Variants in SLC9A5 observed in about 807,000 individuals in gnomAD.
SLC9A5 encodes the protein solute carrier family 9 member A5, also known as sodium/hydrogen exchanger 5.
A neutral mutation model predicts 91.7 loss-of-function variants in SLC9A5; 52 were observed. That is an observed-to-expected ratio of 0.57 (90% CI 0.45 to 0.71). SLC9A5 has a LOEUF of 0.71. Ranked by LOEUF, SLC9A5 falls within the 30% of genes least tolerant of loss-of-function variation. The probability of loss-of-function intolerance (pLI) is 0.00; values close to 1 mark genes in which losing one functional copy is unlikely to be tolerated. For missense variants in SLC9A5, 871 were observed against 1,158.9 expected (o/e 0.75, Z 3.61); for synonymous variants, 419 against 474.5 (o/e 0.88, Z 1.52).
At chr16:67,250,853 G>A (rs967815035) in intron 1 of SLC9A5, among the ~76,000 whole-genome samples, 1 of 152,192 alleles carries the variant, frequency 6.6e-6, no homozygotes, top group African/African-American at 2.4e-5. Flanking sequence ...CAGGGATTAT[G>A]TAGAGAGAGA....
Position 67,256,945 on chromosome 16 carries a change from C to T in SLC9A5, c.1167C>T (p.Phe389=). 6.2e-7 allele frequency: 1 copy of T among 1,614,136 alleles called. No individual in the cohort carries two copies. The highest frequency in any genetic ancestry group is 8.5e-7 in the Non-Finnish European group (1 of 1,180,038). Residue 389 remains phenylalanine, a synonymous_variant, in exon 7 of 16, where the codon TTC becomes TTT. Coordinates refer to ENST00000299798, the MANE Select transcript of SLC9A5 (RefSeq NM_004594.3). This position sits in a 1 kb window ranked among gnomAD's most constrained non-coding sequence, Gnocchi z 4.1. ...VVLQTWVLNQ[F]RLVPLDKIDQ... Reference sequence around the variant, plus strand: ...TGCAGACCTGGGTGCTGAATCAGTTCCGGCTAGTCCCTCTGGACAAGATTG... The same window carrying T: ...TGCAGACCTGGGTGCTGAATCAGTTTCGGCTAGTCCCTCTGGACAAGATTG...
chr16:67,264,844 G>A (rs1030007394), intron 13 of SLC9A5, among the ~76,000 whole-genome samples, 196 bp from the exon 14 acceptor site: 4 of 152,166 alleles, frequency 2.6e-5, no homozygotes, highest in South Asian at 2.1e-4. Context: ...GTCAGCCCAC[G>A]CTGATGCATC....
chr16:67,269,683 A>G (rs2035854734), intron 15 of SLC9A5, among the ~76,000 whole-genome samples: 1 of 152,138 alleles, frequency 6.6e-6, no homozygotes, highest in Non-Finnish European at 1.5e-5. Context: ...TACATTTCAC[A>G]CATGTACTCA....
Position 67,252,312 on chromosome 16 carries a change from A to G in SLC9A5, c.188-230A>G, listed in dbSNP as rs1222356478. 6.6e-6 allele frequency among the ~76,000 whole-genome samples: 1 copy of G among 152,094 alleles called. No homozygotes were observed. The highest frequency in any genetic ancestry group is 2.1e-4 in the South Asian group (1 of 4,824). On this transcript the variant is annotated intron_variant, in intron 1 of 15. Transcript: ENST00000299798. The surrounding 1 kb of genome is among the most constrained non-coding windows in gnomAD (Gnocchi z 4.0). ...AGAATATAAAAAAAATTATCTGGGC[A>G]TGGTGGCGCGTGTCTGTAGTCCCCG...
In SLC9A5 at chr16:67,258,977, C is replaced by T. The variant is rs866223154; in HGVS notation, c.1626+530C>T. ...AGGAGAATCGCTAAAATCTGGGAAGCGGGCTGGGCACGGTGGCTCACACCT... is the reference window on the plus strand; with the variant it reads ...AGGAGAATCGCTAAAATCTGGGAAGTGGGCTGGGCACGGTGGCTCACACCT... On this transcript the variant is annotated intron_variant, in intron 10 of 15. Transcript: ENST00000299798. This position sits in a 1 kb window ranked among gnomAD's most constrained non-coding sequence, Gnocchi z 4.5. Among the ~76,000 whole-genome samples the T allele has an allele frequency of 3.1e-5, 4 of 128,236 alleles. No individual in the cohort carries two copies. Among genetic ancestry groups the T allele is most frequent in the South Asian group, 5.0e-4 (2 of 3,982 alleles). 84.1% of individuals were successfully genotyped at this position (128,236 alleles called of 152,430 possible).
chr16:67,266,290 G>A, intron 15 of SLC9A5, 65 bp downstream of exon 15: 3 of 1,471,166 alleles, frequency 2.0e-6, no homozygotes, highest in African/African-American at 2.9e-5. Flanking sequence ...CTTCACTCAT[G>A]GCCTCTACTC....
Position 67,271,109 on chromosome 16 carries a change from G to C in SLC9A5, c.2590G>C (p.Glu864Gln). ...ESSADLPQQQ[E>Q]LQPLMGHKDH... ...CAGCGCTGACCTCCCCCAGCAGCAG[G>C]AGCTGCAGCCCCTCATGGGCCACAA... Residue 864 changes from glutamate to glutamine, a missense_variant, in exon 16 of 16, where the codon GAG becomes CAG. By Grantham distance (29) the Glu-to-Gln change is conservative. Coordinates refer to ENST00000299798, the MANE Select transcript of SLC9A5 (RefSeq NM_004594.3). 1 of 1,613,836 alleles carries C rather than the reference G, an allele frequency of 6.2e-7. No individual in the cohort carries two copies. Among genetic ancestry groups the C allele is most frequent in the Non-Finnish European group, 8.5e-7 (1 of 1,180,004 alleles).
At chr16:67,259,980 G>A (rs1451908896) in intron 12 of SLC9A5, 34 bp downstream of exon 12, 1 of 1,608,568 alleles carries the variant, frequency 6.2e-7, no homozygotes, top group African/African-American at 1.3e-5. Flanking sequence ...TTTTGAGGGG[G>A]TGGAGGTGGT....
rs778721211 is a variant in SLC9A5 at position 67,249,055 on chromosome 16, C to A, written c.41C>A (p.Ala14Glu). ...AALSLLALPL[A>E]GAAEEPTQKP... ...CTGTCCCTGCTCGCGCTGCCCCTGG[C>A]GGGGGCGGCCGAAGAGCCCACCCAG... is the stretch of plus-strand genomic sequence containing the variant. The change falls in exon 1 of 16, where the codon GCG becomes GAG. Residue 14 changes from alanine to glutamate, a missense_variant. Around this residue, in one of 3 missense-constraint regions of SLC9A5, gnomAD observed 122 missense variants for 114.5 expected, o/e 1.07. Transcript: ENST00000299798. 1.3e-6 allele frequency: 2 copies of A among 1,506,784 alleles called. No individual in the cohort carries two copies. The highest frequency in any genetic ancestry group is 2.5e-5 in the South Asian group (2 of 81,332). The allele number at this position is 1,506,784 out of a possible 1,614,324, so 93.3% of individuals were successfully genotyped here. A position where few individuals can be genotyped will look rare whatever the true frequency, so the allele number is the denominator to read the frequency against.
chr16:67,267,568 A>C (rs1379542707), intron 15 of SLC9A5, among the ~76,000 whole-genome samples: 2 of 152,084 alleles, frequency 1.3e-5, no homozygotes, highest in Non-Finnish European at 2.9e-5. Flanking sequence ...TCTAGTGAGG[A>C]ATAGGAGGTG....
chr16:67,257,631 C>T lies in SLC9A5; in HGVS notation c.1496+30C>T. The stretch of plus-strand genomic sequence containing the variant: ...GGGAGCTGCCCCGAGGCTCCTTCAG[C>T]AGCAGCAGCCCCACCAGCCAGGGAA... On this transcript the variant is annotated intron_variant, in intron 9 of 15. Coordinates refer to ENST00000299798, the MANE Select transcript of SLC9A5 (RefSeq NM_004594.3). This position sits in a 1 kb window ranked among gnomAD's most constrained non-coding sequence, Gnocchi z 5.1. 1 of 1,607,208 alleles carries T rather than the reference C, an allele frequency of 6.2e-7. No individual in the cohort carries two copies. Among genetic ancestry groups the T allele is most frequent in the Non-Finnish European group, 8.5e-7 (1 of 1,173,828 alleles).
rs2035336345 is a variant in SLC9A5, at chr16:67,256,834, C to T, written c.1133-77C>T. The T allele has an allele frequency of 6.7e-7, 1 of 1,486,812 alleles. No homozygotes were observed. Among genetic ancestry groups the T allele is most frequent in the Non-Finnish European group, 9.3e-7 (1 of 1,073,270 alleles). The allele number at this position is 1,486,812 out of a possible 1,614,324, so 92.1% of individuals were successfully genotyped here. On this transcript the variant is annotated intron_variant, in intron 6 of 15. Transcript: ENST00000299798. This position sits in a 1 kb window ranked among gnomAD's most constrained non-coding sequence, Gnocchi z 4.1. Reference sequence around the variant, plus strand: ...GTCCCAGCCCCTGTTAGACCTCAGCCCAGATACTTGGTCCCATCCGGTCCC... The same window carrying T: ...GTCCCAGCCCCTGTTAGACCTCAGCTCAGATACTTGGTCCCATCCGGTCCC...
intron 10 of SLC9A5, 50 bp from the exon 11 acceptor site, chr16:67,259,523 G>T (rs1795976500): frequency 7.3e-7 from 1 of 1,373,972 alleles, no homozygotes. Context: ...CCTGACTCCT[G>T]GGCAACCCTC....
chr16:67,261,927 GGTGTGTGT>G (rs56311190), intron 12 of SLC9A5: 3 of 151,754 alleles, frequency 2.0e-5, no homozygotes, highest in East Asian at 1.9e-4. Context: ...GATTTGGTGA[GGTGTGTGT>G]GTGTGTGTGT....
chr16:67,261,188 A>T (rs2035519165), intron 12 of SLC9A5: 2 of 152,124 alleles, frequency 1.3e-5, no homozygotes, highest in African/African-American at 4.8e-5. Flanking sequence ...ACACCATTCT[A>T]GTTCTAGAAC....
In SLC9A5 at chr16:67,257,255, G is replaced by A; in HGVS notation, c.1336-90G>A. The A allele has an allele frequency of 7.3e-7, 1 of 1,375,268 alleles. No homozygotes were observed. The highest frequency in any genetic ancestry group is 1.0e-6 in the Non-Finnish European group (1 of 969,312). The allele number at this position is 1,375,268 out of a possible 1,614,324, so 85.2% of individuals were successfully genotyped here. A position where few individuals can be genotyped will look rare whatever the true frequency, so the allele number is the denominator to read the frequency against. ...AGACCTTGAGTGCAGTGGGGTAGGG[G>A]TACTGAAGCTGAAGCCTCATTACGG... is the stretch of plus-strand genomic sequence containing the variant. On this transcript the variant is annotated intron_variant, in intron 7 of 15. Transcript: ENST00000299798. This position sits in a 1 kb window ranked among gnomAD's most constrained non-coding sequence, Gnocchi z 5.1.
intron 12 of SLC9A5, among the ~76,000 whole-genome samples, chr16:67,260,884 T>C (rs564096385): frequency 1.3e-5 from 2 of 152,240 alleles, no homozygotes; most frequent in Non-Finnish European, 2.9e-5. Context: ...CTTTCTAAAA[T>C]GGGAAGCCAG....
In SLC9A5 at chr16:67,268,697, TATATATATATA is replaced by T. The variant is rs1567421668; in HGVS notation, c.2219-2040_2219-2030del. On this transcript the variant is annotated intron_variant, in intron 15 of 15. Transcript: ENST00000299798. ...ATATATATATATATATATATATATA[TATATATATATA>T]TATTTTTACAGTAGGCTTGTCCAAT... Among the ~76,000 whole-genome samples the T allele has an allele frequency of 3.6e-3, 332 of 91,648 alleles. 7 individuals carry two copies. The highest frequency in any genetic ancestry group is 0.012 in the African/African-American group (305 of 25,126). The allele number at this position is 91,648 out of a possible 152,430, so 60.1% of individuals were successfully genotyped here.
At chr16:67,268,176 CTT>C (rs72054057) in intron 15 of SLC9A5, among the ~76,000 whole-genome samples, 14 of 128,944 alleles carry the variant, frequency 1.1e-4, no homozygotes, top group Non-Finnish European at 1.0e-4. Flanking sequence ...CATGCCCAGC[CTT>C]TTTTTTTTTT....
Sources: allele counts gnomAD v4.1 joint callset (sites outside exome capture counted in the v4.1 genomes callset), GRCh38; gene constraint gnomAD v4.1.1; regional missense constraint gnomAD v4.1.1; non-coding constraint Gnocchi (gnomAD v3.1); transcripts MANE v1.5; gene names NCBI Gene and HGNC (gene_info 2026-07-23, HGNC 2026-07-21).